The following ITCH variants were observed in gnomAD, a reference collection of about 807,000 sequenced individuals.
ITCH encodes the protein E3 ubiquitin-protein ligase Itchy homolog.
Under a neutral mutation model 126.8 loss-of-function variants are expected in ITCH, and 28 were observed. The ratio of observed to expected loss-of-function variants is 0.22; its 90% CI spans 0.16 to 0.30. ITCH has a LOEUF of 0.30. Among genes scored for constraint, ITCH ranks in the 10% least tolerant of loss-of-function variants. The probability of loss-of-function intolerance (pLI) is 1.00; values close to 1 mark genes in which losing one functional copy is unlikely to be tolerated. For synonymous variants in ITCH, 342 were observed against 340.0 expected (o/e 1.01, Z -0.06); for missense variants, 631 against 1,032.4 (o/e 0.61, Z 5.33).
intron 14 of ITCH, among the ~76,000 whole-genome samples, chr20:34,463,619 TTCA>T (rs767659873): frequency 2.0e-5 from 3 of 152,212 alleles, no homozygotes; most frequent in Non-Finnish European, 2.9e-5. Flanking sequence ...TTTTTTTTTC[TTCA>T]TCATCATCAT....
chr20:34,391,366 T>C (rs987963280), intron 2 of ITCH, among the ~76,000 whole-genome samples: 1 of 152,212 alleles, frequency 6.6e-6, no homozygotes, highest in Non-Finnish European at 1.5e-5. Context: ...TGTTTTAGTT[T>C]GCAAAAATAA....
intron 7 of ITCH, among the ~76,000 whole-genome samples, chr20:34,427,480 C>T (rs1172183920): frequency 6.6e-6 from 1 of 152,014 alleles, no homozygotes; most frequent in Non-Finnish European, 1.5e-5. Flanking sequence ...GGCCTGGTGG[C>T]ACGTGCCTGT....
intron 14 of ITCH, among the ~76,000 whole-genome samples, chr20:34,464,469 G>C (rs1425628806): frequency 6.6e-6 from 1 of 151,794 alleles, no homozygotes; most frequent in Non-Finnish European, 1.5e-5. Flanking sequence ...TGGGATTATA[G>C]GCATGCACCA....
At chr20:34,385,979 C>T (rs1045935270) in intron 2 of ITCH, among the ~76,000 whole-genome samples, 3 of 152,158 alleles carry the variant, frequency 2.0e-5, no homozygotes, top group South Asian at 2.1e-4. Flanking sequence ...TTCCCACTTG[C>T]TTTGCTGAGA....
At chr20:34,382,895 C>T (rs1176186738) in intron 2 of ITCH, among the ~76,000 whole-genome samples, 6 of 151,618 alleles carry the variant, frequency 4.0e-5, no homozygotes, top group Admixed American at 6.6e-5. Flanking sequence ...AGGCACGCAC[C>T]GCCACGCCTG....
chr20:34,408,832 G>T (rs756469859), intron 4 of ITCH, 40 bp downstream of exon 4: 2 of 1,592,978 alleles, frequency 1.3e-6, no homozygotes, highest in East Asian at 4.5e-5. Flanking sequence ...GTTTTGTTTA[G>T]TAGATGATTG....
rs758843309 is a variant in ITCH, at chr20:34,440,194, A to T, written c.719A>T (p.Asp240Val). The T allele has an allele frequency of 1.2e-6, 2 of 1,613,792 alleles. No individual in the cohort carries two copies. Among genetic ancestry groups the T allele is most frequent in the Non-Finnish European group, 1.7e-6 (2 of 1,179,684 alleles). ...NGSPSATSES[D>V]GSSTGSLPPT... is the part of the protein sequence containing the mutation. ...TCACCATCTGCCACTTCTGAAAGTG[A>T]TGGGTCTAGTACAGGCTCTCTGCCG... is the stretch of plus-strand genomic sequence containing the variant. The change falls in exon 9 of 25, where the codon GAT becomes GTT. Residue 240 changes from aspartate (D) to valine (V), a missense_variant. Asp to Val is a radical substitution (Grantham distance 152). This residue lies in a region of ITCH where 220 missense variants were observed against 265.7 expected (regional missense o/e 0.83). Coordinates refer to ENST00000374864, the MANE Select transcript of ITCH (RefSeq NM_031483.7).
intron 10 of ITCH, 61 bp from the exon 11 acceptor site, chr20:34,445,226 C>G: frequency 5.1e-6 from 8 of 1,569,026 alleles, no homozygotes; most frequent in Non-Finnish European, 6.9e-6. Flanking sequence ...GTAAAATATT[C>G]TATCTGTTTC....
chr20:34,406,109 C>T (rs1224923889), intron 3 of ITCH, among the ~76,000 whole-genome samples: 1 of 151,902 alleles, frequency 6.6e-6, no homozygotes, highest in African/African-American at 2.4e-5. Context: ...GCAGCCTTGA[C>T]CTCCCAGGCT....
intron 3 of ITCH, among the ~76,000 whole-genome samples, chr20:34,405,270 C>T (rs930357761): frequency 2.6e-5 from 4 of 152,088 alleles, no homozygotes; most frequent in Non-Finnish European, 4.4e-5. Context: ...TTTGAGGGGC[C>T]GAGGCAAGTG....
intron 16 of ITCH, among the ~76,000 whole-genome samples, chr20:34,476,976 G>A (rs1320250315): frequency 1.3e-5 from 2 of 152,086 alleles, no homozygotes; most frequent in African/African-American, 4.8e-5. Context: ...CACCTATAGT[G>A]GGACACAAAA....
intron 13 of ITCH, among the ~76,000 whole-genome samples, chr20:34,458,527 C>T (rs1354810591): frequency 1.3e-5 from 2 of 152,140 alleles, no homozygotes; most frequent in African/African-American, 2.4e-5. Context: ...TTTGCTAGGG[C>T]GCCTTAACAA....
intron 2 of ITCH, among the ~76,000 whole-genome samples, chr20:34,373,361 C>T (rs1403803087): frequency 8.6e-5 from 13 of 151,766 alleles, no homozygotes; most frequent in African/African-American, 2.7e-4. Context: ...CTGCAACCTC[C>T]GTTTCCTGGG....
intron 1 of ITCH, 54 bp from the exon 2 acceptor site, chr20:34,369,340 A>ACAAT: frequency 2.5e-6 from 1 of 396,758 alleles, no homozygotes; most frequent in Non-Finnish European, 4.4e-6. Context: ...TCAAAAACAA[A>ACAAT]CAAACAAAAA....
At position 34,507,285 on chromosome 20, in the gene ITCH, TTTTTGG is replaced by T. The variant is rs1414025595; in HGVS notation, c.2490-407_2490-402del. On this transcript the variant is annotated intron_variant, in intron 24 of 24. Transcript: ENST00000374864. ...TCTGTTTTTTTTTTTTTTTTTTTTT[TTTTTGG>T]TTGTTGTTGTTGTTGTTTTGGTGTT... 1.8e-3 allele frequency among the ~76,000 whole-genome samples: 180 copies of T among 102,520 alleles called. 1 individual carries two copies. The highest frequency in any genetic ancestry group is 6.3e-3 in the African/African-American group (174 of 27,702). The allele number at this position is 102,520 out of a possible 152,430, so 67.3% of individuals were successfully genotyped here. A position where few individuals can be genotyped will look rare whatever the true frequency, so the allele number is the denominator to read the frequency against.
At chr20:34,410,332 G>A (rs1367289752) in intron 4 of ITCH, among the ~76,000 whole-genome samples, 1 of 151,256 alleles carries the variant, frequency 6.6e-6, no homozygotes, top group Non-Finnish European at 1.5e-5. Context: ...CTGAGATCGT[G>A]CCATTGCGTT....
intron 23 of ITCH, among the ~76,000 whole-genome samples, chr20:34,498,231 TTGG>T (rs1201302263): frequency 6.6e-6 from 1 of 152,222 alleles, no homozygotes; most frequent in Non-Finnish European, 1.5e-5. Flanking sequence ...TAATTTTTTA[TTGG>T]TGGAGTTTTT....
At chr20:34,500,918 T>C (rs1047794744) in intron 23 of ITCH, among the ~76,000 whole-genome samples, 1 of 152,242 alleles carries the variant, frequency 6.6e-6, no homozygotes, top group Non-Finnish European at 1.5e-5. Flanking sequence ...TGGGAGTCCG[T>C]TGAGCATTTT....
At chr20:34,365,192 C>T (rs1012351157) in intron 1 of ITCH, among the ~76,000 whole-genome samples, 44 of 151,782 alleles carry the variant, frequency 2.9e-4, no homozygotes, top group Non-Finnish European at 5.0e-4. Flanking sequence ...CAGAGTGAGA[C>T]CCTGTCTCAA....
Sources: gnomAD v4.1 joint callset for allele counts (sites outside exome capture counted in the v4.1 genomes callset) on GRCh38, gnomAD v4.1.1 for gene constraint, gnomAD v4.1.1 regional missense constraint, MANE v1.5 for transcripts, NCBI Gene and HGNC (gene_info 2026-07-23, HGNC 2026-07-21) for gene names.